LTA: variants seen among roughly 807,000 people sequenced by gnomAD.
LTA encodes lymphotoxin alpha, also known as lymphotoxin-alpha.
In LTA, 6 loss-of-function variants were observed where a neutral mutation model predicts 15.1. That is an observed-to-expected ratio of 0.40 (90% CI 0.22 to 0.78). The LOEUF (loss-of-function observed/expected upper bound fraction) is 0.78. LTA is among the 30% of genes least tolerant of loss of function. The pLI, the probability that LTA is intolerant of heterozygous loss-of-function variation, is 0.38. For synonymous variants in LTA, 87 were observed against 107.3 expected, an observed-to-expected ratio of 0.81 and a Z score of 1.17; for missense variants, 173 against 249.5, an observed-to-expected ratio of 0.69 and a Z score of 2.06.
In LTA at chr6:31,574,166, G is replaced by C; in HGVS notation, c.*473G>C. 3.3e-6 allele frequency: 1 copy of C among 306,232 alleles called. No homozygotes were observed. Among genetic ancestry groups the C allele is most frequent in the Non-Finnish European group, 6.4e-6 (1 of 156,950 alleles). 19.0% of individuals were successfully genotyped at this position (306,232 alleles called of 1,614,324 possible). A position where few individuals can be genotyped will look rare whatever the true frequency, so the allele number is the denominator to read the frequency against. On this transcript the variant is annotated 3_prime_UTR_variant, in exon 4 of 4. Coordinates refer to ENST00000418386, the MANE Select transcript of LTA (RefSeq NM_000595.4). ...GGCCCAAGAGATGAAGAGTGAGAGGGCATGCGCACAAGGCTGACCAAGAGA... is the reference window on the plus strand; with the variant it reads ...GGCCCAAGAGATGAAGAGTGAGAGGCCATGCGCACAAGGCTGACCAAGAGA...
In LTA at chr6:31,572,423, C is replaced by G; in HGVS notation, c.-33C>G. The stretch of plus-strand genomic sequence containing the variant: ...CTCCTGCACCTGCTGCCTGGATCCC[C>G]GGCCTGCCTGGGCCTGGGCCTTGGT... On this transcript the variant is annotated 5_prime_UTR_variant, in exon 1 of 4. Transcript: ENST00000418386. 1 of 498,578 alleles carries G rather than the reference C, an allele frequency of 2.0e-6. No individual in the cohort carries two copies. 30.9% of individuals were successfully genotyped at this position (498,578 alleles called of 1,614,324 possible).
chr6:31,572,230 C>T, upstream of LTA: 1 of 181,488 alleles, frequency 5.5e-6, no homozygotes. Flanking sequence ...CCGCCCGCTG[C>T]CTGCCACGCT....
At chr6:31,567,354 G>A (rs527835639), upstream of LTA, among the ~76,000 whole-genome samples, 4 of 151,952 alleles carry the variant, frequency 2.6e-5, no homozygotes, top group African/African-American at 4.8e-5. Context: ...CCAGGAGTTC[G>A]AGACCAGCCT....
At chr6:31,570,425 C>G (rs149139584), upstream of LTA, among the ~76,000 whole-genome samples, 350 of 152,300 alleles carry the variant, frequency 2.3e-3, no homozygotes, top group African/African-American at 7.8e-3. Context: ...CACCACCAGC[C>G]CCAGCTCCAA....
At chr6:31,571,124 G>A (rs532508353), upstream of LTA, among the ~76,000 whole-genome samples, 42 of 150,290 alleles carry the variant, frequency 2.8e-4, no homozygotes, top group Non-Finnish European at 4.9e-4. Flanking sequence ...ACAGTGGTGC[G>A]ATCTTGACTC....
In LTA at chr6:31,572,383, C is replaced by T; in HGVS notation, c.-73C>T. The T allele has an allele frequency of 2.4e-6, 1 of 424,174 alleles. No individual in the cohort carries two copies. The highest frequency in any genetic ancestry group is 3.4e-5 in the South Asian group (1 of 29,576). The allele number at this position is 424,174 out of a possible 1,614,324, so 26.3% of individuals were successfully genotyped here. A position where few individuals can be genotyped will look rare whatever the true frequency, so the allele number is the denominator to read the frequency against. ...CCGCCCAGCAGTGTCCTGCCCTCTG[C>T]CTGGGCCTCGGTCCCTCCTGCACCT... On this transcript the variant is annotated 5_prime_UTR_variant, in exon 1 of 4. Transcript: ENST00000418386.
At chr6:31,564,151 C>G in the LTA span, among the ~76,000 whole-genome samples, 2 of 152,182 alleles carry the variant, frequency 1.3e-5, no homozygotes, top group Non-Finnish European at 2.9e-5. Flanking sequence ...GTTTGAGGTA[C>G]AACCTTACTC....
chr6:31,573,107 T>C, intron 3 of LTA, 74 bp downstream of exon 3: 1 of 1,332,992 alleles, frequency 7.5e-7, no homozygotes, highest in South Asian at 1.2e-5. Flanking sequence ...AACCCAAGCA[T>C]CCACCCCTCT....
At chr6:31,561,768 G>T in the LTA span, among the ~76,000 whole-genome samples, 1 of 152,050 alleles carries the variant, frequency 6.6e-6, no homozygotes, top group Non-Finnish European at 1.5e-5. Flanking sequence ...TAAAGTCACT[G>T]CCTTCATAGA....
the LTA span, among the ~76,000 whole-genome samples, chr6:31,565,368 G>A: frequency 1.4e-4 from 21 of 152,230 alleles, no homozygotes; most frequent in African/African-American, 4.6e-4. Flanking sequence ...GAATTCAGAA[G>A]ACTAAGTCTG....
upstream of LTA, among the ~76,000 whole-genome samples, chr6:31,570,636 A>G (rs1450372262): frequency 1.3e-5 from 2 of 152,194 alleles, no homozygotes; most frequent in Non-Finnish European, 2.9e-5. Flanking sequence ...TGTGTTAGAC[A>G]AAAACTAGAA....
chr6:31,570,213 C>T (rs1240307611), upstream of LTA, among the ~76,000 whole-genome samples: 1 of 152,054 alleles, frequency 6.6e-6, no homozygotes, highest in Non-Finnish European at 1.5e-5. Flanking sequence ...CCTTTCTGCC[C>T]CTACAGAAAT....
intron 3 of LTA, 67 bp from the exon 4 acceptor site, chr6:31,573,214 C>A: frequency 6.6e-7 from 1 of 1,506,150 alleles, no homozygotes; most frequent in South Asian, 1.2e-5. Context: ...TGCCCACTTC[C>A]TCAGGGATTG....
chr6:31,564,492 C>T, the LTA span, among the ~76,000 whole-genome samples: 1 of 151,832 alleles, frequency 6.6e-6, no homozygotes, highest in East Asian at 2.0e-4. Flanking sequence ...ACCTTGTTAG[C>T]CAGGATGGTC....
At chr6:31,560,744 G>A in the LTA span, among the ~76,000 whole-genome samples, 1 of 152,202 alleles carries the variant, frequency 6.6e-6, no homozygotes, top group South Asian at 2.1e-4. Context: ...TAATGAGATT[G>A]AAGAGGGTCA....
upstream of LTA, among the ~76,000 whole-genome samples, chr6:31,571,902 A>C (rs575285642): frequency 1.3e-5 from 2 of 150,854 alleles, no homozygotes; most frequent in East Asian, 3.9e-4. Flanking sequence ...CAAAGAGAGA[A>C]GCCTGTACTC....
chr6:31,572,657 C>CGTATCATTTAAAA, intron 1 of LTA, 77 bp from the exon 2 acceptor site: 1 of 1,018,532 alleles, frequency 9.8e-7, no homozygotes, highest in Non-Finnish European at 1.5e-6. Flanking sequence ...GTGCTCTCTC[C>CGTATCATTTAAAA]CAGGGCGGGA....
chr6:31,569,334 A>G (rs1180873696), upstream of LTA, among the ~76,000 whole-genome samples: 2 of 152,284 alleles, frequency 1.3e-5, no homozygotes, highest in South Asian at 2.1e-4. Context: ...ATATTTTAAT[A>G]TAGCTCAGCT....
chr6:31,572,666 G>C (rs1411726192), intron 1 of LTA, 68 bp from the exon 2 acceptor site: 2 of 1,125,150 alleles, frequency 1.8e-6, no homozygotes, highest in Non-Finnish European at 1.3e-6. Flanking sequence ...CCCAGGGCGG[G>C]AGGTCTGTCT....
Sources: gnomAD v4.1 joint callset for allele counts (sites outside exome capture counted in the v4.1 genomes callset) on GRCh38, gnomAD v4.1.1 for gene constraint, MANE v1.5 for transcripts, NCBI Gene and HGNC (gene_info 2026-07-23, HGNC 2026-07-21) for gene names.